Variants in ITPKB observed in about 807,000 individuals in gnomAD.
ITPKB encodes the protein inositol-trisphosphate 3-kinase B, also known as IP3 3-kinase B.
In ITPKB, 13 loss-of-function variants were observed where a neutral mutation model predicts 69.4. The ratio of observed to expected loss-of-function variants is 0.19; its 90% CI spans 0.12 to 0.30. ITPKB has a LOEUF of 0.30. Ranked by LOEUF, ITPKB falls within the 10% of genes least tolerant of loss-of-function variation. ITPKB has a pLI of 1.00. For synonymous variants in ITPKB, 584 were observed against 513.7 expected, an observed-to-expected ratio of 1.14 and a Z score of -1.85; for missense variants, 1,240 against 1,250.5, an observed-to-expected ratio of 0.99 and a Z score of 0.13.
At chr1:226,639,918 G>A (rs4653458) in intron 5 of ITPKB, among the ~76,000 whole-genome samples, 3,286 of 152,290 alleles carry the variant, frequency 0.022, 113 homozygotes, top group Admixed American at 0.089. Context: ...GGAAAGGCCC[G>A]GAGGTGTGAA....
At chr1:226,681,434 A>G (rs971788650) in intron 2 of ITPKB, among the ~76,000 whole-genome samples, 8 of 152,192 alleles carry the variant, frequency 5.3e-5, no homozygotes, top group Admixed American at 3.9e-4. Context: ...TTGTGTGTCC[A>G]TTCTCTAAGT....
At chr1:226,672,125 A>T (rs1422941989) in intron 2 of ITPKB, among the ~76,000 whole-genome samples, 5 of 152,190 alleles carry the variant, frequency 3.3e-5, no homozygotes, top group African/African-American at 9.7e-5. Context: ...GGATTTTTTT[A>T]AAACTCTCCA....
chr1:226,730,419 TG>T, intron 2 of ITPKB, among the ~76,000 whole-genome samples: 1 of 152,164 alleles, frequency 6.6e-6, no homozygotes, highest in East Asian at 1.9e-4. Context: ...TGAGCTCCCC[TG>T]ATGGCTGAAA....
At chr1:226,670,409 A>G (rs575940073) in intron 2 of ITPKB, among the ~76,000 whole-genome samples, 2 of 152,310 alleles carry the variant, frequency 1.3e-5, no homozygotes, top group African/African-American at 4.8e-5. Flanking sequence ...AAAAAACGGA[A>G]AAAGTTACAT....
At chr1:226,678,625 A>G (rs1655980593) in intron 2 of ITPKB, among the ~76,000 whole-genome samples, 1 of 152,078 alleles carries the variant, frequency 6.6e-6, no homozygotes, top group Non-Finnish European at 1.5e-5. Context: ...TAAAATGTAA[A>G]GTGTCTAGCA....
chr1:226,675,127 C>CAAAAA (rs71168989), intron 2 of ITPKB: 4 of 66,972 alleles, frequency 6.0e-5, no homozygotes, highest in Non-Finnish European at 1.1e-4. Flanking sequence ...TGCTTACAGG[C>CAAAAA]AAAAAAAAAA....
rs1657780572 is a variant in ITPKB at position 226,736,664 on chromosome 1, G to A, written c.795C>T (p.Pro265=). 6.2e-7 allele frequency: 1 copy of A among 1,613,304 alleles called. No homozygotes were observed. The highest frequency in any genetic ancestry group is 1.1e-5 in the South Asian group (1 of 91,084). ...CCATAGCTGTGGGTGAGCCACAGCG[G>A]GGACTGGCAGGGATACCCTTCTCCA... ...VRMEKGIPAS[P]RCGSPTAMEI... The change falls in exon 2 of 8, where the codon CCC becomes CCT. Residue 265 remains proline (P), a synonymous_variant. Transcript: ENST00000429204.
At position 226,736,641 on chromosome 1, in the gene ITPKB, A is replaced by G. The variant is rs1203975476; in HGVS notation, c.818T>C (p.Met273Thr). ...AGGAGAGCCCCTTTTGTCAATTTCC[A>G]TAGCTGTGGGTGAGCCACAGCGGGG... ...ASPRCGSPTAMEIDKRGSPTP... is the reference protein window; with the variant it reads ...ASPRCGSPTATEIDKRGSPTP... Residue 273 changes from methionine (M) to threonine (T), a missense_variant, in exon 2 of 8, where the codon ATG (methionine) becomes ACG (threonine). By Grantham distance (81) the Met-to-Thr change is moderately conservative. Around this residue, in one of 2 missense-constraint regions of ITPKB, gnomAD observed 992 missense variants for 853.8 expected, o/e 1.16. Coordinates refer to ENST00000429204, the MANE Select transcript of ITPKB (RefSeq NM_002221.4). 4 of 1,613,466 alleles carry G rather than the reference A, an allele frequency of 2.5e-6. No individual in the cohort carries two copies. Among genetic ancestry groups the G allele is most frequent in the South Asian group, 1.1e-5 (1 of 91,088 alleles).
chr1:226,715,393 G>A (rs1288485407), intron 2 of ITPKB, among the ~76,000 whole-genome samples: 1 of 152,240 alleles, frequency 6.6e-6, no homozygotes, highest in East Asian at 1.9e-4. Context: ...GGTTTTAATA[G>A]AAAGTATTTA....
intron 2 of ITPKB, chr1:226,659,696 C>T (rs762318741): frequency 6.6e-6 from 1 of 152,040 alleles, no homozygotes; most frequent in Non-Finnish European, 1.5e-5. Context: ...GGAGGGAGAG[C>T]TTCCCAGCAG....
intron 2 of ITPKB, among the ~76,000 whole-genome samples, chr1:226,730,121 T>C (rs561804074): frequency 1.2e-4 from 19 of 152,312 alleles, no homozygotes; most frequent in African/African-American, 2.4e-4. Context: ...CTAGTCAAAT[T>C]TGACTACAAG....
In ITPKB at chr1:226,736,731, G is replaced by T. The variant is rs781739803; in HGVS notation, c.728C>A (p.Pro243His). 6.2e-7 allele frequency: 1 copy of T among 1,612,786 alleles called. No homozygotes were observed. The highest frequency in any genetic ancestry group is 8.5e-7 in the Non-Finnish European group (1 of 1,179,754). Residue 243 changes from proline to histidine, a missense_variant, in exon 2 of 8, where the codon CCT becomes CAT. Transcript: ENST00000429204. ...GMPPLPGRAA[P>H]TGSEAQGPSA... ...TGGACCCTGAGCCTCTGATCCTGTAGGGGCAGCCCGGCCGGGAAGAGGTGG... is the reference window on the plus strand; with the variant it reads ...TGGACCCTGAGCCTCTGATCCTGTATGGGCAGCCCGGCCGGGAAGAGGTGG...
intron 2 of ITPKB, among the ~76,000 whole-genome samples, chr1:226,664,760 G>C (rs1479389306): frequency 6.6e-6 from 1 of 152,204 alleles, no homozygotes; most frequent in Non-Finnish European, 1.5e-5. Context: ...GAAGCGAGCC[G>C]ATAAACTGCC....
At chr1:226,690,792 T>A (rs1186424241) in intron 2 of ITPKB, among the ~76,000 whole-genome samples, 1 of 152,126 alleles carries the variant, frequency 6.6e-6, no homozygotes, top group Non-Finnish European at 1.5e-5. Flanking sequence ...TTTCCTGCAA[T>A]AGCCAAAAGG....
rs1021596011 is a variant in ITPKB at position 226,689,569 on chromosome 1, T to TTTTGTG, written c.1933-40799_1933-40798insCACAAA. On this transcript the variant is annotated intron_variant, in intron 2 of 7. Coordinates refer to ENST00000429204, the MANE Select transcript of ITPKB (RefSeq NM_002221.4). ...TTTTTCCTTTGTCGGAAGGTTTTAT[T>TTTTGTG]TGTGTGTGTGTGTGTGTGTGTGTGT... 1.1e-3 allele frequency among the ~76,000 whole-genome samples: 150 copies of TTTTGTG among 138,566 alleles called. 1 individual carries two copies. The highest frequency in any genetic ancestry group is 7.5e-3 in the Admixed American group (105 of 13,974). 90.9% of individuals were successfully genotyped at this position (138,566 alleles called of 152,430 possible). A position where few individuals can be genotyped will look rare whatever the true frequency, so the allele number is the denominator to read the frequency against.
intron 2 of ITPKB, among the ~76,000 whole-genome samples, chr1:226,693,821 T>G (rs1656414686): frequency 6.6e-6 from 1 of 152,164 alleles, no homozygotes; most frequent in Non-Finnish European, 1.5e-5. Flanking sequence ...TAACTCAAGT[T>G]TACTCAAAAA....
intron 2 of ITPKB, among the ~76,000 whole-genome samples, chr1:226,718,032 C>A (rs1000781535): frequency 6.6e-6 from 1 of 152,212 alleles, no homozygotes; most frequent in Non-Finnish European, 1.5e-5. Context: ...TGGTAGCTCA[C>A]GCCTGTAATC....
chr1:226,654,370 T>A (rs2102751066), intron 2 of ITPKB, among the ~76,000 whole-genome samples: 1 of 152,192 alleles, frequency 6.6e-6, no homozygotes, highest in East Asian at 1.9e-4. Flanking sequence ...CCGATTCTGC[T>A]CCCCACGTCA....
rs1319023445 is a variant in ITPKB at position 226,735,632 on chromosome 1, G to A, written c.1827C>T (p.Ser609=). ...CCTCCTCTGAGTCTTCGTAGGATGA[G>A]GAGAAGCCCGTGGAGGAGGCCGAGG... ...SSSSASSTGF[S]SSYEDSEEDI... is the part of the protein sequence containing the mutation. Residue 609 remains serine (S), a synonymous_variant, in exon 2 of 8, where the codon TCC becomes TCT. Transcript: ENST00000429204. The A allele has an allele frequency of 3.1e-6, 5 of 1,611,592 alleles. No homozygotes were observed. Among genetic ancestry groups the A allele is most frequent in the Non-Finnish European group, 4.2e-6 (5 of 1,178,716 alleles).
Sources: allele counts gnomAD v4.1 joint callset (sites outside exome capture counted in the v4.1 genomes callset), GRCh38; gene constraint gnomAD v4.1.1; regional missense constraint gnomAD v4.1.1; transcripts MANE v1.5; gene names NCBI Gene and HGNC (gene_info 2026-07-23, HGNC 2026-07-21).